The following GNAI1 variants were observed in gnomAD, a reference collection of about 807,000 sequenced individuals.
The protein encoded by GNAI1 is G protein subunit alpha i1.
Under a neutral mutation model 38.9 loss-of-function variants are expected in GNAI1, and 11 were observed. The observed-to-expected ratio is 0.28, with a 90% CI of 0.18 to 0.47. The LOEUF (loss-of-function observed/expected upper bound fraction) is 0.47. GNAI1 is among the 20% of genes least tolerant of loss of function. The pLI is 0.99. For synonymous variants in GNAI1, 166 were observed against 145.1 expected (o/e 1.14, Z -1.04); for missense variants, 317 against 436.9 (o/e 0.73, Z 2.45).
At position 80,225,516 on chromosome 7, in the gene GNAI1, C is replaced by T. The variant is rs184144201; in HGVS notation, c.*8023C>T. Among the ~76,000 whole-genome samples the T allele has an allele frequency of 7.2e-5, 11 of 151,982 alleles. No homozygotes were observed. In the East Asian group the frequency reaches 1.2e-3, roughly 16 times the overall value. On this transcript the variant is annotated 3_prime_UTR_variant, in exon 8 of 8. Transcript: ENST00000649796. ...CCCTAGCCAAATTCCTTTCTTTCTCCACACCTCCCACAGGACTGGGCTGAG... is the reference window on the plus strand; with the variant it reads ...CCCTAGCCAAATTCCTTTCTTTCTCTACACCTCCCACAGGACTGGGCTGAG...
chr7:80,167,238 A>G (rs1294919076), intron 1 of GNAI1, among the ~76,000 whole-genome samples: 1 of 152,206 alleles, frequency 6.6e-6, no homozygotes, highest in Non-Finnish European at 1.5e-5. Context: ...GCATGGAAGA[A>G]AGACAAGAAA....
intron 1 of GNAI1, among the ~76,000 whole-genome samples, chr7:80,137,286 CTTTTTTCT>C (rs1311842069): frequency 3.2e-5 from 3 of 95,208 alleles, no homozygotes; most frequent in East Asian, 3.1e-4. Flanking sequence ...ATTTCTTTTT[CTTTTTTCT>C]TTTTTTTTTT....
chr7:80,175,235 A>G lies in GNAI1; in HGVS notation c.119-13716A>G, dbSNP rs137916600. ...AACTTTCAAGCCAAATAAAATTTTT[A>G]AAATAAAAATATTTAAAAACTTGTT... On this transcript the variant is annotated intron_variant, in intron 1 of 7. Transcript: ENST00000649796. Among the ~76,000 whole-genome samples, 3 of 152,352 alleles carry G rather than the reference A, an allele frequency of 2.0e-5. No individual in the cohort carries two copies. In the East Asian group the frequency reaches 5.8e-4, roughly 29 times the overall value.
In GNAI1 at chr7:80,135,075, C is replaced by G. The variant is rs1402061346; in HGVS notation, c.-86C>G. The G allele has an allele frequency of 1.2e-5, 11 of 912,746 alleles. No individual in the cohort carries two copies. Among genetic ancestry groups the G allele is most frequent in the East Asian group, 9.4e-5 (3 of 31,892 alleles). 56.5% of individuals were successfully genotyped at this position (912,746 alleles called of 1,614,324 possible). A position where few individuals can be genotyped will look rare whatever the true frequency, so the allele number is the denominator to read the frequency against. On this transcript the variant is annotated 5_prime_UTR_variant, in exon 1 of 8. Transcript: ENST00000649796. The stretch of plus-strand genomic sequence containing the variant: ...CCCCGTCGGGAGGCGTTCGAACGCC[C>G]GCTAGGAGAGAGAAAGGATTCCCCT...
Position 80,212,883 on chromosome 7 carries a change from C to G in GNAI1, c.874+14C>G. Reference sequence around the variant, plus strand: ...CAGAATATGCAGGTATTTTCCTTTTCTGGGAATAACTTGTCAAGTTACATA... The same window carrying G: ...CAGAATATGCAGGTATTTTCCTTTTGTGGGAATAACTTGTCAAGTTACATA... On this transcript the variant is annotated intron_variant, in intron 7 of 7. Coordinates refer to ENST00000649796, the MANE Select transcript of GNAI1 (RefSeq NM_002069.6). 6.6e-7 allele frequency: 1 copy of G among 1,515,014 alleles called. No individual in the cohort carries two copies. The allele number at this position is 1,515,014 out of a possible 1,614,324, so 93.8% of individuals were successfully genotyped here.
intron 1 of GNAI1, among the ~76,000 whole-genome samples, chr7:80,172,621 C>G (rs995684300): frequency 3.3e-5 from 5 of 151,878 alleles, no homozygotes; most frequent in African/African-American, 1.2e-4. Flanking sequence ...GTTTCTGTTT[C>G]TTTCAAGTGA....
chr7:80,196,629 G>A (rs1788579464), intron 3 of GNAI1, among the ~76,000 whole-genome samples: 1 of 151,924 alleles, frequency 6.6e-6, no homozygotes, highest in African/African-American at 2.4e-5. Flanking sequence ...TAAGTAAGTT[G>A]CTTAACCTCT....
intron 1 of GNAI1, among the ~76,000 whole-genome samples, chr7:80,137,399 C>T (rs1273025760): frequency 7.3e-6 from 1 of 136,682 alleles, no homozygotes; most frequent in Non-Finnish European, 1.5e-5. Context: ...CGGCTCACTG[C>T]AACCTTCACC....
intron 1 of GNAI1, among the ~76,000 whole-genome samples, chr7:80,159,842 A>G (rs749047017): frequency 1.3e-5 from 2 of 152,118 alleles, no homozygotes; most frequent in East Asian, 3.9e-4. Flanking sequence ...GGGGAACTCA[A>G]TCTCCTTATC....
chr7:80,193,091 A>G (rs548411847), intron 3 of GNAI1, among the ~76,000 whole-genome samples: 3 of 151,690 alleles, frequency 2.0e-5, no homozygotes, highest in Admixed American at 6.6e-5. Context: ...CTATGGCTTC[A>G]TGGATTAGTT....
chr7:80,174,426 C>T (rs1663213077), intron 1 of GNAI1, among the ~76,000 whole-genome samples: 1 of 148,234 alleles, frequency 6.7e-6, no homozygotes, highest in African/African-American at 2.5e-5. Flanking sequence ...CTTATTTTCC[C>T]TCTATGAATA....
chr7:80,170,159 C>G (rs1788076716), intron 1 of GNAI1, among the ~76,000 whole-genome samples: 1 of 152,118 alleles, frequency 6.6e-6, no homozygotes, highest in Non-Finnish European at 1.5e-5. Flanking sequence ...GAGTATATTT[C>G]ATTTTTGTTG....
Position 80,214,190 on chromosome 7 carries a change from C to T in GNAI1, c.874+1321C>T, listed in dbSNP as rs566771785. ...TTTTGTGTACGGTGAAATTACACTTCAGTTCAAACTAATTTCACACATTTA... is the reference window on the plus strand; with the variant it reads ...TTTTGTGTACGGTGAAATTACACTTTAGTTCAAACTAATTTCACACATTTA... On this transcript the variant is annotated intron_variant, in intron 7 of 7. Transcript: ENST00000649796. 7.2e-5 allele frequency among the ~76,000 whole-genome samples: 11 copies of T among 152,296 alleles called. No individual in the cohort carries two copies. The East Asian group carries it at 1.7e-3, about 24-fold the overall frequency.
rs546616160 is a variant in GNAI1 at position 80,221,310 on chromosome 7, C to G, written c.*3817C>G. 6.6e-6 allele frequency among the ~76,000 whole-genome samples: 1 copy of G among 152,218 alleles called. No individual in the cohort carries two copies. Among genetic ancestry groups the G allele is most frequent in the East Asian group, 1.9e-4 (1 of 5,184 alleles). ...TTGTTGTCAGCATTAAATAAGTTCA[C>G]AGTACATGTTAAGTACCTAGAGGGG... is the stretch of plus-strand genomic sequence containing the variant. On this transcript the variant is annotated 3_prime_UTR_variant, in exon 8 of 8. Coordinates refer to ENST00000649796, the MANE Select transcript of GNAI1 (RefSeq NM_002069.6).
At chr7:80,193,149 G>C (rs968987806) in intron 3 of GNAI1, among the ~76,000 whole-genome samples, 3 of 151,664 alleles carry the variant, frequency 2.0e-5, no homozygotes, top group Non-Finnish European at 4.4e-5. Context: ...TTGTTCTTTT[G>C]CCGAATATCA....
At chr7:80,185,783 C>A (rs1788376407) in intron 1 of GNAI1, among the ~76,000 whole-genome samples, 1 of 152,156 alleles carries the variant, frequency 6.6e-6, no homozygotes, top group South Asian at 2.1e-4. Context: ...TTACTCTTTC[C>A]TGTATGCTAT....
At chr7:80,174,882 A>G (rs1788155143) in intron 1 of GNAI1, among the ~76,000 whole-genome samples, 1 of 152,184 alleles carries the variant, frequency 6.6e-6, no homozygotes, top group South Asian at 2.1e-4. Context: ...ACTACTGTGC[A>G]CCTGTAATAA....
chr7:80,197,466 G>C (rs75913311), intron 3 of GNAI1, among the ~76,000 whole-genome samples: 1 of 151,864 alleles, frequency 6.6e-6, no homozygotes, highest in Non-Finnish European at 1.5e-5. Context: ...GAATGAAGAC[G>C]TCGTAATGAA....
At chr7:80,196,643 T>C (rs549666396) in intron 3 of GNAI1, among the ~76,000 whole-genome samples, 1 of 151,988 alleles carries the variant, frequency 6.6e-6, no homozygotes, top group Non-Finnish European at 1.5e-5. Flanking sequence ...AACCTCTTTG[T>C]GCCTTGGGTT....
Sources: gnomAD v4.1 joint callset for allele counts (sites outside exome capture counted in the v4.1 genomes callset) on GRCh38, gnomAD v4.1.1 for gene constraint, MANE v1.5 for transcripts, NCBI Gene and HGNC (gene_info 2026-07-23, HGNC 2026-07-21) for gene names.